USP3: variants seen among roughly 807,000 people sequenced by gnomAD.
USP3 encodes the protein ubiquitin carboxyl-terminal hydrolase 3.
A neutral mutation model predicts 72.3 loss-of-function variants in USP3; 20 were observed. That is an observed-to-expected ratio of 0.28 (90% CI 0.19 to 0.40). The LOEUF is 0.40. USP3 is among the 10% of genes least tolerant of loss of function. The probability of loss-of-function intolerance (pLI) is 1.00; values close to 1 mark genes in which losing one functional copy is unlikely to be tolerated. For synonymous variants in USP3, 222 were observed against 225.3 expected (o/e 0.99, Z 0.13); for missense variants, 479 against 633.9 (o/e 0.76, Z 2.62).
At chr15:63,564,572 T>C (rs1315358214) in intron 8 of USP3, among the ~76,000 whole-genome samples, 1 of 152,238 alleles carries the variant, frequency 6.6e-6, no homozygotes, top group Non-Finnish European at 1.5e-5. Context: ...TCCACATCTC[T>C]GTCCTTTCTA....
At chr15:63,541,650 CAG>C (rs1226664781) in intron 3 of USP3, among the ~76,000 whole-genome samples, 1 of 152,112 alleles carries the variant, frequency 6.6e-6, no homozygotes, top group Non-Finnish European at 1.5e-5. Context: ...GGCAATACAT[CAG>C]AGTTTAGTAA....
intron 1 of USP3, among the ~76,000 whole-genome samples, chr15:63,519,012 G>A (rs186835217): frequency 3.3e-5 from 5 of 152,222 alleles, no homozygotes; most frequent in South Asian, 2.1e-4. Context: ...TGATCTGCCC[G>A]CCTCAGCATC....
intron 4 of USP3, among the ~76,000 whole-genome samples, chr15:63,555,812 A>G (rs1051245739): frequency 6.6e-6 from 1 of 152,200 alleles, no homozygotes; most frequent in Non-Finnish European, 1.5e-5. Flanking sequence ...GTTTGAAGCA[A>G]CTGTCACTAG....
intron 3 of USP3, among the ~76,000 whole-genome samples, chr15:63,549,680 A>G (rs2066408156): frequency 6.6e-6 from 1 of 152,228 alleles, no homozygotes; most frequent in Admixed American, 6.5e-5. Context: ...CTGTCTAGCT[A>G]GGTCATGAAT....
chr15:63,547,749 GGAGGGAGGGAGGGA>G (rs2066355933), intron 3 of USP3, among the ~76,000 whole-genome samples: 5 of 26,774 alleles, frequency 1.9e-4, no homozygotes, highest in Admixed American at 3.6e-4. Flanking sequence ...AGAGAGGGAG[GGAGGGAGGGAGGGA>G]GAGAGAGAGA....
chr15:63,575,532 A>G (rs2066849782), intron 11 of USP3, among the ~76,000 whole-genome samples: 1 of 152,182 alleles, frequency 6.6e-6, no homozygotes, highest in Non-Finnish European at 1.5e-5. Context: ...TGACTAGACT[A>G]CACTCCAGTA....
intron 1 of USP3, among the ~76,000 whole-genome samples, chr15:63,522,036 C>T (rs984478168): frequency 6.6e-6 from 1 of 152,128 alleles, no homozygotes; most frequent in African/African-American, 2.4e-5. Flanking sequence ...TTACCTTCCA[C>T]GCTCAAGTTA....
intron 5 of USP3, among the ~76,000 whole-genome samples, chr15:63,557,703 A>C (rs1209369569): frequency 6.6e-6 from 1 of 152,170 alleles, no homozygotes; most frequent in Non-Finnish European, 1.5e-5. Flanking sequence ...TTAGAGTTAA[A>C]AGTTTGGGGA....
At chr15:63,546,897 C>T (rs188198066) in intron 3 of USP3, among the ~76,000 whole-genome samples, 28 of 152,262 alleles carry the variant, frequency 1.8e-4, no homozygotes, top group African/African-American at 6.0e-4. Flanking sequence ...CGTGAGCCAC[C>T]GCGTCCAGCC....
Position 63,590,891 on chromosome 15 carries a change from T to C in USP3, c.*65T>C. The C allele has an allele frequency of 6.7e-7, 1 of 1,491,874 alleles. No homozygotes were observed. Among genetic ancestry groups the C allele is most frequent in the Non-Finnish European group, 9.0e-7 (1 of 1,114,666 alleles). The allele number at this position is 1,491,874 out of a possible 1,614,324, so 92.4% of individuals were successfully genotyped here. A position where few individuals can be genotyped will look rare whatever the true frequency, so the allele number is the denominator to read the frequency against. On this transcript the variant is annotated 3_prime_UTR_variant, in exon 15 of 15. Transcript: ENST00000380324. Reference sequence around the variant, plus strand: ...AACATTTCCAGTTTTCCACAAATACTTGATACAAGATTTAATTTCATTATG... The same window carrying C: ...AACATTTCCAGTTTTCCACAAATACCTGATACAAGATTTAATTTCATTATG...
chr15:63,590,349 T>C (rs981606878), intron 14 of USP3, among the ~76,000 whole-genome samples: 1 of 152,154 alleles, frequency 6.6e-6, no homozygotes, highest in African/African-American at 2.4e-5. Flanking sequence ...AGCTTAGTTT[T>C]TTCCTAAGAT....
intron 9 of USP3, among the ~76,000 whole-genome samples, chr15:63,573,442 G>T (rs988045216): frequency 4.6e-5 from 7 of 152,154 alleles, no homozygotes; most frequent in African/African-American, 1.7e-4. Context: ...GAAATTATTT[G>T]CAATATTAAG....
Position 63,558,256 on chromosome 15 carries a change from C to A in USP3, c.533+68C>A. 3 of 1,534,692 alleles carry A rather than the reference C, an allele frequency of 2.0e-6. No individual in the cohort carries two copies. The South Asian group carries it at 3.4e-5, about 17-fold the overall frequency. The stretch of plus-strand genomic sequence containing the variant: ...AAGAGCACGGGCTCTGGCTCCCTAT[C>A]TCGTCTGCCACTAACTCTAGTCATA... On this transcript the variant is annotated intron_variant, in intron 6 of 14. Transcript: ENST00000380324.
chr15:63,532,826 C>A, intron 2 of USP3, 119 bp downstream of exon 2: 1 of 1,015,078 alleles, frequency 9.9e-7, no homozygotes. Flanking sequence ...ATGCATAATT[C>A]CCTGTAGGGC....
chr15:63,528,927 G>T lies in USP3; in HGVS notation c.92-3720G>T, dbSNP rs1045181403. 20 of 1,055,740 alleles carry T rather than the reference G, an allele frequency of 1.9e-5. No individual in the cohort carries two copies. The highest frequency in any genetic ancestry group is 2.5e-5 in the Admixed American group (1 of 39,796). 65.4% of individuals were successfully genotyped at this position (1,055,740 alleles called of 1,614,324 possible). On this transcript the variant is annotated intron_variant, in intron 1 of 14. Coordinates refer to ENST00000380324, the MANE Select transcript of USP3 (RefSeq NM_006537.4). This position sits in a 1 kb window ranked among gnomAD's most constrained non-coding sequence, Gnocchi z 4.3. ...AAGGTTCTTAATTTGGATGAAGCAT[G>T]TATAAACAGAGTGAATATTCCCCAA...
chr15:63,561,493 G>A (rs891030022), intron 7 of USP3, among the ~76,000 whole-genome samples: 2 of 152,226 alleles, frequency 1.3e-5, no homozygotes, highest in Admixed American at 6.5e-5. Context: ...CCTGTTGCCA[G>A]CACTGCTGGA....
chr15:63,509,873 TGAA>T lies in USP3; in HGVS notation c.91+5048_91+5050del, dbSNP rs148180692. 8.3e-4 allele frequency among the ~76,000 whole-genome samples: 127 copies of T among 152,276 alleles called. 2 individuals carry two copies. In the East Asian group the frequency reaches 0.021, roughly 25 times the overall value. On this transcript the variant is annotated intron_variant, in intron 1 of 14. Transcript: ENST00000380324. ...GATTGAGCCTAACATTTACTTGTTGTGAAGAAGTTTTGACACATTGATGAGAAG... is the reference window on the plus strand; with the variant it reads ...GATTGAGCCTAACATTTACTTGTTGTGAAGTTTTGACACATTGATGAGAAG...
intron 14 of USP3, 104 bp downstream of exon 14, chr15:63,589,115 C>T: frequency 7.5e-7 from 1 of 1,333,466 alleles, no homozygotes; most frequent in Non-Finnish European, 1.1e-6. Flanking sequence ...AAAATGGATT[C>T]AGATAAAGTA....
intron 11 of USP3, among the ~76,000 whole-genome samples, chr15:63,579,894 G>T (rs2066923598): frequency 6.6e-6 from 1 of 152,198 alleles, no homozygotes; most frequent in African/African-American, 2.4e-5. Context: ...AAAGGGTAAA[G>T]ATGGATGTCA....
Sources: gnomAD v4.1 joint callset for allele counts (sites outside exome capture counted in the v4.1 genomes callset) on GRCh38, gnomAD v4.1.1 for gene constraint, Gnocchi (gnomAD v3.1) non-coding constraint, MANE v1.5 for transcripts, NCBI Gene and HGNC (gene_info 2026-07-23, HGNC 2026-07-21) for gene names.